Variants in TEX9 observed in about 807,000 individuals in gnomAD.
TEX9 encodes the protein testis-expressed protein 9.
A neutral mutation model predicts 59.6 loss-of-function variants in TEX9; 74 were observed. That is an observed-to-expected ratio of 1.24 (90% confidence interval 1.03 to 1.51). The LOEUF is 1.51. Ranked by LOEUF, TEX9 falls within the 40% of genes most tolerant of loss-of-function variation. TEX9 has a pLI of 0.00. For missense variants in TEX9, 522 were observed against 447.8 expected, an observed-to-expected ratio of 1.17 and a Z score of -1.49; for synonymous variants, 186 against 152.2, an observed-to-expected ratio of 1.22 and a Z score of -1.64.
the TEX9 span, among the ~76,000 whole-genome samples, chr15:56,457,189 G>A: frequency 5.2e-4 from 79 of 152,212 alleles, no homozygotes; most frequent in Non-Finnish European, 7.9e-4. Context: ...CATACATCCC[G>A]TAGAATGTTC....
intron 1 of TEX9, among the ~76,000 whole-genome samples, chr15:56,316,915 A>T (rs1313886925): frequency 5.9e-5 from 9 of 152,174 alleles, no homozygotes; most frequent in African/African-American, 1.9e-4. Context: ...CCGATTTTCC[A>T]GGTGCCGTCC....
intron 1 of TEX9, among the ~76,000 whole-genome samples, chr15:56,327,005 A>C (rs1282671424): frequency 6.6e-6 from 1 of 152,206 alleles, no homozygotes; most frequent in Non-Finnish European, 1.5e-5. Context: ...TACCCGTGTA[A>C]CCAAATACCA....
At chr15:56,313,506 A>G (rs2045677320) in intron 1 of TEX9, among the ~76,000 whole-genome samples, 1 of 144,770 alleles carries the variant, frequency 6.9e-6, no homozygotes, top group African/African-American at 2.5e-5. Context: ...AGCCCACTTG[A>G]TCATGGTGGA....
At chr15:56,404,947 A>G (rs1285419985) in intron 9 of TEX9, among the ~76,000 whole-genome samples, 1 of 152,136 alleles carries the variant, frequency 6.6e-6, no homozygotes, top group Non-Finnish European at 1.5e-5. Context: ...CCACTTGGAC[A>G]CAGGGCGGGA....
intron 1 of TEX9, among the ~76,000 whole-genome samples, chr15:56,356,136 T>C (rs1367675219): frequency 2.0e-5 from 3 of 152,156 alleles, no homozygotes; most frequent in Non-Finnish European, 4.4e-5. Context: ...GGCCTCGTTA[T>C]ACAAGGTGGA....
chr15:56,459,319 T>C, the TEX9 span, among the ~76,000 whole-genome samples: 6 of 152,350 alleles, frequency 3.9e-5, no homozygotes, highest in South Asian at 1.2e-3. Context: ...TGTGTAATAT[T>C]CCATTGTATA....
chr15:56,414,443 TC>T (rs2049564041), intron 10 of TEX9, among the ~76,000 whole-genome samples: 1 of 151,780 alleles, frequency 6.6e-6, no homozygotes, highest in Non-Finnish European at 1.5e-5. Context: ...TTCTTTGTGT[TC>T]TGTAAGTTCT....
chr15:56,399,718 A>G (rs2048675344), intron 9 of TEX9, among the ~76,000 whole-genome samples: 1 of 152,200 alleles, frequency 6.6e-6, no homozygotes. Flanking sequence ...AGGGGCCAAC[A>G]GACACCTCAT....
At position 56,344,049 on chromosome 15, in the gene TEX9, C is replaced by G. The variant is rs900854983; in HGVS notation, c.-106-29392C>G. Among the ~76,000 whole-genome samples, 47 of 152,282 alleles carry G rather than the reference C, an allele frequency of 3.1e-4. 1 individual carries two copies. The highest frequency in any genetic ancestry group is 2.1e-3 in the Admixed American group (32 of 15,290). On this transcript the variant is annotated intron_variant, in intron 1 of 5. Transcript: ENST00000560827. ...TAGCGAGGATGTGGAGAAACTGGAA[C>G]TCTCTTACACTGCTGGTGAGAATGT... is the stretch of plus-strand genomic sequence containing the variant.
intron 1 of TEX9, among the ~76,000 whole-genome samples, chr15:56,281,664 T>C (rs557960294): frequency 6.6e-5 from 10 of 152,166 alleles, no homozygotes; most frequent in African/African-American, 1.9e-4. Flanking sequence ...AATTGAAAAA[T>C]ATAAGAAATC....
At chr15:56,360,758 T>C (rs1248942733), upstream of TEX9, among the ~76,000 whole-genome samples, 1 of 152,222 alleles carries the variant, frequency 6.6e-6, no homozygotes, top group Non-Finnish European at 1.5e-5. Context: ...ATACCTCTTC[T>C]GTCTGGTCCA....
At chr15:56,426,154 T>C (rs528232604) in intron 10 of TEX9, among the ~76,000 whole-genome samples, 1 of 152,204 alleles carries the variant, frequency 6.6e-6, no homozygotes, top group Admixed American at 6.5e-5. Flanking sequence ...CAACCTGATA[T>C]CCAAATGATG....
exon 4 of TEX9, chr15:56,383,956 A>G (rs781268021): frequency 1.2e-6 from 2 of 1,610,288 alleles, no homozygotes. Context: ...TTTAAGAGAG[A>G]TCGGCAAGAA....
At chr15:56,426,683 ATTTC>A (rs1366876876) in intron 10 of TEX9, among the ~76,000 whole-genome samples, 1 of 139,262 alleles carries the variant, frequency 7.2e-6, no homozygotes, top group Admixed American at 7.7e-5. Context: ...ACACATTACT[ATTTC>A]TTTTTTCTCC....
chr15:56,318,683 A>AT (rs1286837415), intron 1 of TEX9, among the ~76,000 whole-genome samples: 2 of 151,800 alleles, frequency 1.3e-5, no homozygotes, highest in East Asian at 1.9e-4. Context: ...TTCTTTTACT[A>AT]TTTTTTTGAG....
chr15:56,383,839 A>ATGG (rs2047842968), intron 3 of TEX9, 113 bp from the exon 4 acceptor site: 8 of 705,450 alleles, frequency 1.1e-5, no homozygotes, highest in Admixed American at 3.0e-5. Flanking sequence ...CCTTTATGTT[A>ATGG]TGGAAACCTT....
chr15:56,378,018 CATTG>C (rs1400742633), intron 3 of TEX9, among the ~76,000 whole-genome samples: 12 of 152,130 alleles, frequency 7.9e-5, no homozygotes, highest in African/African-American at 2.9e-4. Context: ...TGATATATCA[CATTG>C]ATTGATTTGT....
At chr15:56,456,477 T>A in the TEX9 span, 2 of 1,612,458 alleles carry the variant, frequency 1.2e-6, no homozygotes, top group African/African-American at 2.7e-5. Context: ...CCAGTTTTTC[T>A]TCTTGTTTGA....
chr15:56,434,355 T>C, intron 12 of TEX9: 1 of 1,613,236 alleles, frequency 6.2e-7, no homozygotes, highest in Non-Finnish European at 8.5e-7. Context: ...AAAATCTTGC[T>C]TCATCTCTTT....
Sources: allele counts gnomAD v4.1 joint callset (sites outside exome capture counted in the v4.1 genomes callset), GRCh38; gene constraint gnomAD v4.1.1; transcripts MANE v1.5; gene names NCBI Gene and HGNC (gene_info 2026-07-23, HGNC 2026-07-21).